The following PACS2 variants were observed in gnomAD, a reference collection of about 807,000 sequenced individuals.
PACS2 encodes the protein PACS1-like protein.
A neutral mutation model predicts 113.0 loss-of-function variants in PACS2; 36 were observed. That is an observed-to-expected ratio of 0.32 (90% CI 0.24 to 0.42). PACS2 has a LOEUF of 0.42. PACS2 is among the 10% of genes least tolerant of loss of function. The pLI is 1.00. For synonymous variants in PACS2, 589 were observed against 536.1 expected (o/e 1.10, Z -1.36); for missense variants, 1,015 against 1,239.5 (o/e 0.82, Z 2.72).
chr14:105,317,435 G>A lies in PACS2; in HGVS notation c.119+2398G>A, dbSNP rs895374314. On this transcript the variant is annotated intron_variant, in intron 1 of 24. Transcript: ENST00000447393. This position sits in a 1 kb window ranked among gnomAD's most constrained non-coding sequence, Gnocchi z 4.2. Reference sequence around the variant, plus strand: ...TTTCCAGAGTGGTTGTGCCTGCTCCGGCCCCCACTGACAGGGACGAGAGTC... The same window carrying A: ...TTTCCAGAGTGGTTGTGCCTGCTCCAGCCCCCACTGACAGGGACGAGAGTC... 1.3e-5 allele frequency among the ~76,000 whole-genome samples: 2 copies of A among 152,196 alleles called. No homozygotes were observed. Among genetic ancestry groups the A allele is most frequent in the African/African-American group, 2.4e-5 (1 of 41,448 alleles).
chr14:105,370,259 A>G (rs1325613750), intron 8 of PACS2: 1 of 156,426 alleles, frequency 6.4e-6, no homozygotes, highest in South Asian at 1.6e-4. Context: ...GTTCCCATGG[A>G]CCCCTCCCCA....
intron 9 of PACS2, among the ~76,000 whole-genome samples, chr14:105,377,317 C>G (rs1333304064): frequency 3.9e-5 from 6 of 152,046 alleles, no homozygotes; most frequent in Non-Finnish European, 7.4e-5. Flanking sequence ...CTGGGTGCCC[C>G]TCCCTGAGGA....
Position 105,323,520 on chromosome 14 carries a change from G to A in PACS2, c.119+8483G>A, listed in dbSNP as rs1051257817. Among the ~76,000 whole-genome samples the A allele has an allele frequency of 6.6e-6, 1 of 152,258 alleles. No individual in the cohort carries two copies. The highest frequency in any genetic ancestry group is 2.4e-5 in the African/African-American group (1 of 41,474). On this transcript the variant is annotated intron_variant, in intron 1 of 24. Coordinates refer to ENST00000447393, the MANE Select transcript of PACS2 (RefSeq NM_001100913.3). The surrounding 1 kb of genome is among the most constrained non-coding windows in gnomAD (Gnocchi z 4.1). ...AGCCTGCACAGTGTAGCTCCTTGGCGGACGTTCCTGTAATGGAACCAGGAT... is the reference window on the plus strand; with the variant it reads ...AGCCTGCACAGTGTAGCTCCTTGGCAGACGTTCCTGTAATGGAACCAGGAT...
Position 105,392,650 on chromosome 14 carries a change from C to T in PACS2, c.2287C>T (p.Gln763Ter). The change falls in exon 23 of 25, where the codon CAG becomes TAG. Residue 763 changes from glutamine to a stop codon, truncating the protein, a stop_gained. Coordinates refer to ENST00000447393, the MANE Select transcript of PACS2 (RefSeq NM_001100913.3). LOFTEE classifies it high-confidence loss of function. ...QGVGAELMGL[Q>*]VDYWTAAQPA... is the part of the protein sequence containing the mutation. ...TGTCGGCGCCGAGCTGATGGGGCTG[C>T]AGGTGGACTACTGGACGGCAGCACA... The T allele has an allele frequency of 6.2e-7, 1 of 1,611,496 alleles. No individual in the cohort carries two copies. The highest frequency in any genetic ancestry group is 8.5e-7 in the Non-Finnish European group (1 of 1,179,384).
At chr14:105,373,453 A>C (rs1175038058) in intron 8 of PACS2, among the ~76,000 whole-genome samples, 2 of 152,236 alleles carry the variant, frequency 1.3e-5, no homozygotes, top group East Asian at 3.8e-4. Flanking sequence ...AGATGTCAAG[A>C]TATCCATGGG....
chr14:105,345,773 A>T (rs1287953069), intron 1 of PACS2, among the ~76,000 whole-genome samples: 1 of 152,168 alleles, frequency 6.6e-6, no homozygotes, highest in East Asian at 1.9e-4. Context: ...ATCTTGGTTC[A>T]TATCACCTCT....
upstream of PACS2, among the ~76,000 whole-genome samples, chr14:105,309,776 CTTTTTTTTTTTTT>C (rs928875653): frequency 2.7e-4 from 24 of 89,236 alleles, 2 homozygotes; most frequent in African/African-American, 9.8e-4. The surrounding 1 kb of genome is among the most constrained non-coding windows in gnomAD (Gnocchi z 4.0). Context: ...TGATGTGTGT[CTTTTTTTTTTTTT>C]TTTTTTTTTT....
chr14:105,362,227 G>C (rs587772143), intron 4 of PACS2, among the ~76,000 whole-genome samples: 6 of 150,390 alleles, frequency 4.0e-5, no homozygotes, highest in Middle Eastern at 3.5e-3. Context: ...GACCATCCTG[G>C]CTAACACAGT....
rs2060934735 is a variant in PACS2, at chr14:105,366,171, G to GA, written c.424-1039dup. Among the ~76,000 whole-genome samples the GA allele has an allele frequency of 7.1e-6, 1 of 141,564 alleles. No individual in the cohort carries two copies. The highest frequency in any genetic ancestry group is 3.2e-5 in the African/African-American group (1 of 31,146). The allele number at this position is 141,564 out of a possible 152,430, so 92.9% of individuals were successfully genotyped here. ...TTGAGACCATCCTGGCCAACATGGT[G>GA]AAACTGTTTCTACTAAAAATACAAA... On this transcript the variant is annotated intron_variant, in intron 4 of 24. Transcript: ENST00000447393. The surrounding 1 kb of genome is among the most constrained non-coding windows in gnomAD (Gnocchi z 4.3).
rs782063559 is a variant in PACS2, at chr14:105,355,093, C to A, written c.339C>A (p.Ile113=). ...FLKREGNKLQ[I]MLQRRKRYKN... ...AGAGGGAAGGCAACAAGCTTCAGAT[C>A]ATGCTGCAGCGCAGAAAGCGCTACA... The change falls in exon 4 of 25, where the codon ATC becomes ATA. Residue 113 remains isoleucine (I), a synonymous_variant. Transcript: ENST00000447393. This position sits in a 1 kb window ranked among gnomAD's most constrained non-coding sequence, Gnocchi z 4.1. 2 of 1,613,544 alleles carry A rather than the reference C, an allele frequency of 1.2e-6. No individual in the cohort carries two copies. Among genetic ancestry groups the A allele is most frequent in the Non-Finnish European group, 1.7e-6 (2 of 1,179,812 alleles).
At chr14:105,304,746 A>AG (rs1321927524) in intron 1 of PACS2, among the ~76,000 whole-genome samples, 1 of 152,224 alleles carries the variant, frequency 6.6e-6, no homozygotes, top group Non-Finnish European at 1.5e-5. Flanking sequence ...ACAATCATGG[A>AG]GGAAGGCAAG....
At position 105,389,834 on chromosome 14, in the gene PACS2, C is replaced by A. The variant is rs1185001216; in HGVS notation, c.2034-127C>A. 5.9e-6 allele frequency: 5 copies of A among 840,988 alleles called. No individual in the cohort carries two copies. The East Asian group carries it at 1.2e-4, about 20-fold the overall frequency. 52.1% of individuals were successfully genotyped at this position (840,988 alleles called of 1,614,324 possible). On this transcript the variant is annotated intron_variant, in intron 19 of 24. Coordinates refer to ENST00000447393, the MANE Select transcript of PACS2 (RefSeq NM_001100913.3). Reference sequence around the variant, plus strand: ...CCGGGACACACAGGGCAGGGCTGTCCGGCAGGGCCATCCGGCAGGGCCGCG... The same window carrying A: ...CCGGGACACACAGGGCAGGGCTGTCAGGCAGGGCCATCCGGCAGGGCCGCG...
rs144782330 is a variant in PACS2, at chr14:105,379,825, G to A, written c.1046G>A (p.Ser349Asn). ...HSARSHKEPP[S>N]PADVPEKTRS... ...GCCCGCAGCCACAAGGAGCCCCCAAGCCCGGTGAGTGGGGCCACACTGATC... is the reference window on the plus strand; with the variant it reads ...GCCCGCAGCCACAAGGAGCCCCCAAACCCGGTGAGTGGGGCCACACTGATC... The change falls in exon 10 of 25, where the codon AGC (serine) becomes AAC (asparagine). Residue 349 changes from serine to asparagine, a missense_variant. This residue lies in a region of PACS2 where 859 missense variants were observed against 1,056.8 expected (regional missense o/e 0.81). Transcript: ENST00000447393. The A allele has an allele frequency of 3.8e-5, 61 of 1,613,050 alleles. No homozygotes were observed. The highest frequency in any genetic ancestry group is 5.0e-5 in the Non-Finnish European group (59 of 1,179,710).
chr14:105,349,972 C>A (rs1435485020), intron 2 of PACS2, among the ~76,000 whole-genome samples: 2 of 150,108 alleles, frequency 1.3e-5, no homozygotes, highest in Non-Finnish European at 3.0e-5. Context: ...AGCAGGACCC[C>A]GAGAACTTCC....
chr14:105,383,570 T>C (rs1856510248), intron 16 of PACS2, 57 bp downstream of exon 16: 1 of 1,506,058 alleles, frequency 6.6e-7, no homozygotes, highest in South Asian at 1.3e-5. Flanking sequence ...CAGTGTGGCG[T>C]GGCATGGAGT....
At chr14:105,344,053 G>T (rs1555402113) in intron 1 of PACS2, among the ~76,000 whole-genome samples, 2 of 151,562 alleles carry the variant, frequency 1.3e-5, no homozygotes, top group Non-Finnish European at 1.5e-5. Flanking sequence ...ATGTAGCTGG[G>T]ACTACAGATG....
At chr14:105,308,938 C>T (rs145642968) in intron 1 of PACS2, among the ~76,000 whole-genome samples, 41 of 151,802 alleles carry the variant, frequency 2.7e-4, no homozygotes, top group African/African-American at 9.9e-4. Flanking sequence ...GGCACCACTG[C>T]ACTCCAGCCT....
intron 23 of PACS2, 137 bp from the exon 24 acceptor site, chr14:105,393,085 C>A (rs1391366976): frequency 1.3e-5 from 10 of 742,988 alleles, no homozygotes; most frequent in South Asian, 3.0e-5. Context: ...CCTCAGTCAC[C>A]GTGGAAGGCA....
At position 105,330,721 on chromosome 14, in the gene PACS2, C is replaced by T. The variant is rs1159420781; in HGVS notation, c.119+15684C>T. Among the ~76,000 whole-genome samples the T allele has an allele frequency of 6.6e-6, 1 of 152,254 alleles. No homozygotes were observed. The highest frequency in any genetic ancestry group is 1.5e-5 in the Non-Finnish European group (1 of 68,038). On this transcript the variant is annotated intron_variant, in intron 1 of 24. Coordinates refer to ENST00000447393, the MANE Select transcript of PACS2 (RefSeq NM_001100913.3). The surrounding 1 kb of genome is among the most constrained non-coding windows in gnomAD (Gnocchi z 6.9). ...CATTTCCTGTCTTTTCTCAGGCAATCGCCATGGTACCCAGGGCTGGCCTTG... is the reference window on the plus strand; with the variant it reads ...CATTTCCTGTCTTTTCTCAGGCAATTGCCATGGTACCCAGGGCTGGCCTTG...
Sources: allele counts gnomAD v4.1 joint callset (sites outside exome capture counted in the v4.1 genomes callset), GRCh38; gene constraint gnomAD v4.1.1; regional missense constraint gnomAD v4.1.1; non-coding constraint Gnocchi (gnomAD v3.1); transcripts MANE v1.5; gene names NCBI Gene and HGNC (gene_info 2026-07-23, HGNC 2026-07-21).